The following DCLK2 variants were observed in gnomAD, a reference collection of about 807,000 sequenced individuals.
The protein encoded by DCLK2 is serine/threonine-protein kinase DCLK2.
A neutral mutation model predicts 78.4 loss-of-function variants in DCLK2; 31 were observed. The observed-to-expected ratio is 0.40, with a 90% CI of 0.30 to 0.53. The LOEUF (loss-of-function observed/expected upper bound fraction) is 0.53, where lower values mean the gene tolerates loss of function less well. DCLK2 is among the 20% of genes least tolerant of loss of function. The pLI, the probability that DCLK2 is intolerant of heterozygous loss-of-function variation, is 0.61. For synonymous variants in DCLK2, 407 were observed against 374.9 expected, an observed-to-expected ratio of 1.09 and a Z score of -0.99; for missense variants, 872 against 973.7, an observed-to-expected ratio of 0.90 and a Z score of 1.39.
chr4:150,161,885 C>CT (rs1319212142), intron 2 of DCLK2, among the ~76,000 whole-genome samples: 1 of 152,126 alleles, frequency 6.6e-6, no homozygotes, highest in Non-Finnish European at 1.5e-5. Flanking sequence ...AGGGGTGTTG[C>CT]TTCAAGGTTG....
intron 3 of DCLK2, among the ~76,000 whole-genome samples, 199 bp from the exon 4 acceptor site, chr4:150,197,801 GAA>G (rs879231367): frequency 1.8e-5 from 2 of 113,170 alleles, no homozygotes; most frequent in Non-Finnish European, 1.9e-5. Flanking sequence ...TCTCAAGAGA[GAA>G]AAAAAAAAAA....
At chr4:150,122,423 A>G (rs539096804) in intron 2 of DCLK2, among the ~76,000 whole-genome samples, 1 of 152,348 alleles carries the variant, frequency 6.6e-6, no homozygotes, top group East Asian at 1.9e-4. Flanking sequence ...CTATGCAGCC[A>G]TAAAAAAGTA....
intron 4 of DCLK2, chr4:150,198,900 C>T: frequency 1.6e-6 from 1 of 608,622 alleles, no homozygotes. Context: ...TCGCCCTTTC[C>T]CCTTTCAGCA....
chr4:150,119,256 A>G (rs879850677), intron 2 of DCLK2, among the ~76,000 whole-genome samples: 11 of 152,266 alleles, frequency 7.2e-5, no homozygotes, highest in Non-Finnish European at 1.3e-4. Context: ...TATTCAGTCT[A>G]TCTGTGGATA....
intron 2 of DCLK2, among the ~76,000 whole-genome samples, chr4:150,114,701 C>G (rs1731945966): frequency 6.6e-6 from 1 of 152,150 alleles, no homozygotes; most frequent in African/African-American, 2.4e-5. Flanking sequence ...TTTAGGGAGG[C>G]TAAAAATAAG....
intron 4 of DCLK2, among the ~76,000 whole-genome samples, chr4:150,200,913 G>A (rs1274834562): frequency 6.6e-6 from 1 of 152,218 alleles, no homozygotes; most frequent in Non-Finnish European, 1.5e-5. Flanking sequence ...CGCCTCAGGA[G>A]TTCAAGCGAT....
At chr4:150,175,993 G>A (rs1737064046) in intron 2 of DCLK2, among the ~76,000 whole-genome samples, 1 of 152,170 alleles carries the variant, frequency 6.6e-6, no homozygotes, top group Non-Finnish European at 1.5e-5. Context: ...AATCGTGTAA[G>A]TTGCCCGAGG....
intron 2 of DCLK2, among the ~76,000 whole-genome samples, chr4:150,159,895 T>TA (rs1735579456): frequency 6.6e-6 from 1 of 151,986 alleles, no homozygotes; most frequent in Non-Finnish European, 1.5e-5. Context: ...GAGGGAAACG[T>TA]AAAAAATACA....
chr4:150,243,309 T>A (rs972510110), intron 12 of DCLK2, among the ~76,000 whole-genome samples: 9 of 152,184 alleles, frequency 5.9e-5, no homozygotes, highest in African/African-American at 2.2e-4. Context: ...CAGGTAGCTT[T>A]TAAAAATTAA....
intron 2 of DCLK2, among the ~76,000 whole-genome samples, chr4:150,187,228 A>G (rs1380617390): frequency 6.6e-6 from 1 of 152,074 alleles, no homozygotes; most frequent in Non-Finnish European, 1.5e-5. Flanking sequence ...GTGCAGTGGT[A>G]TGATCATAGC....
chr4:150,247,560 C>T lies in DCLK2; in HGVS notation c.1779-43C>T, dbSNP rs372411707. On this transcript the variant is annotated intron_variant, in intron 12 of 15. Transcript: ENST00000296550. ...GTGGACATTTTGTTGAAAAATTCTA[C>T]GGTGACTTTGACTTTTCTTCCATTT... 1.0e-4 allele frequency: 160 copies of T among 1,576,068 alleles called. 2 individuals carry two copies. The African/African-American group carries it at 1.5e-3, about 14-fold the overall frequency.
chr4:150,125,224 G>A (rs1732838434), intron 2 of DCLK2, among the ~76,000 whole-genome samples: 1 of 152,096 alleles, frequency 6.6e-6, no homozygotes. Context: ...GATATAATCA[G>A]GATGCATTTA....
chr4:150,151,911 T>G (rs1484343889), intron 2 of DCLK2, among the ~76,000 whole-genome samples: 2 of 146,948 alleles, frequency 1.4e-5, no homozygotes, highest in Admixed American at 6.8e-5. Flanking sequence ...GGCAACAAAG[T>G]GAGGCTCTGT....
chr4:150,084,252 T>A (rs11099754), intron 1 of DCLK2, among the ~76,000 whole-genome samples: 1 of 152,100 alleles, frequency 6.6e-6, no homozygotes, highest in African/African-American at 2.4e-5. Flanking sequence ...ATTCATTGAT[T>A]AAATAACTCA....
chr4:150,219,978 C>T (rs1206866916), intron 5 of DCLK2, among the ~76,000 whole-genome samples: 1 of 152,052 alleles, frequency 6.6e-6, no homozygotes, highest in Non-Finnish European at 1.5e-5. Context: ...GGAAAAATTT[C>T]TCTGGCAATA....
In DCLK2 at chr4:150,078,761, T is replaced by C; in HGVS notation, c.-267T>C. ...GGTGGAGGAGGCGCTTGCGGGGGCG[T>C]GGGGCTCCCCGGCAGGCGGGAGGCA... On this transcript the variant is annotated 5_prime_UTR_variant, in exon 1 of 16. Coordinates refer to ENST00000296550, the MANE Select transcript of DCLK2 (RefSeq NM_001040260.4). The C allele has an allele frequency of 3.1e-6, 1 of 318,848 alleles. No homozygotes were observed. The highest frequency in any genetic ancestry group is 5.6e-6 in the Non-Finnish European group (1 of 177,010). The allele number at this position is 318,848 out of a possible 1,614,324, so 19.8% of individuals were successfully genotyped here.
intron 15 of DCLK2, 77 bp from the exon 16 acceptor site, chr4:150,255,942 GT>G: frequency 6.4e-7 from 1 of 1,556,570 alleles, no homozygotes; most frequent in Non-Finnish European, 8.7e-7. Flanking sequence ...TGCATGCTCT[GT>G]TGTGCTCTCT....
chr4:150,202,225 A>G (rs1243528968), intron 4 of DCLK2, among the ~76,000 whole-genome samples: 3 of 152,188 alleles, frequency 2.0e-5, no homozygotes, highest in Non-Finnish European at 4.4e-5. Flanking sequence ...TAGAAGAAAT[A>G]ACATTAATTG....
intron 5 of DCLK2, among the ~76,000 whole-genome samples, chr4:150,212,760 G>A (rs975867645): frequency 6.6e-6 from 1 of 152,208 alleles, no homozygotes; most frequent in Admixed American, 6.5e-5. Context: ...GTAAATCAGT[G>A]TATAAATAGG....
Sources: allele counts gnomAD v4.1 joint callset (sites outside exome capture counted in the v4.1 genomes callset), GRCh38; gene constraint gnomAD v4.1.1; transcripts MANE v1.5; gene names NCBI Gene and HGNC (gene_info 2026-07-23, HGNC 2026-07-21).